Variants in RILPL1 observed in about 807,000 individuals in gnomAD.
The protein encoded by RILPL1 is RILP-like protein 1.
In RILPL1, 33 loss-of-function variants were observed where a neutral mutation model predicts 50.3. The ratio of observed to expected loss-of-function variants is 0.66; its 90% CI spans 0.50 to 0.88. The LOEUF is 0.88. Among genes scored for constraint, RILPL1 ranks in the 40% least tolerant of loss-of-function variants. The pLI is 0.00. For synonymous variants in RILPL1, 205 were observed against 228.6 expected (o/e 0.90, Z 0.93); for missense variants, 418 against 542.5 (o/e 0.77, Z 2.28).
chr12:123,494,866 C>G (rs900794651), intron 4 of RILPL1, among the ~76,000 whole-genome samples: 1 of 152,190 alleles, frequency 6.6e-6, no homozygotes, highest in Non-Finnish European at 1.5e-5. Context: ...CGCACCCCTA[C>G]TACTCAGAGC....
chr12:123,514,911 C>T (rs1244975646), intron 2 of RILPL1, among the ~76,000 whole-genome samples: 1 of 151,588 alleles, frequency 6.6e-6, no homozygotes, highest in Non-Finnish European at 1.5e-5. Context: ...AATAGACAAT[C>T]CAAACAATAA....
In RILPL1 at chr12:123,509,578, AAAG is replaced by A. The variant is rs1176417926; in HGVS notation, c.461-10045_461-10043del. The stretch of plus-strand genomic sequence containing the variant: ...AACTCCGTCTCAAAAAAAAAAAAAA[AAAG>A]AAGGAAATCCTGTCACATGCTGCCA... On this transcript the variant is annotated intron_variant, in intron 2 of 6. Transcript: ENST00000376874. 2.8e-4 allele frequency among the ~76,000 whole-genome samples: 42 copies of A among 152,092 alleles called. No individual in the cohort carries two copies. In the East Asian group the frequency reaches 7.5e-3, roughly 27 times the overall value.
At chr12:123,490,032 CT>C (rs1882586041) in intron 4 of RILPL1, among the ~76,000 whole-genome samples, 1 of 152,168 alleles carries the variant, frequency 6.6e-6, no homozygotes, top group African/African-American at 2.4e-5. Flanking sequence ...CAGCTGCTCC[CT>C]TTTCCATCCC....
At chr12:123,481,871 T>C (rs1882028258) in intron 6 of RILPL1, among the ~76,000 whole-genome samples, 1 of 150,280 alleles carries the variant, frequency 6.7e-6, no homozygotes, top group Admixed American at 6.6e-5. Context: ...ATTTGTTTTG[T>C]TTTCTTTTTT....
intron 2 of RILPL1, among the ~76,000 whole-genome samples, chr12:123,507,001 A>G (rs1883789100): frequency 6.6e-6 from 1 of 152,176 alleles, no homozygotes. Context: ...GATGAAAAGA[A>G]GGGGCAAGAA....
chr12:123,512,044 G>A (rs1884318480), intron 2 of RILPL1, among the ~76,000 whole-genome samples: 1 of 142,594 alleles, frequency 7.0e-6, no homozygotes, highest in Non-Finnish European at 1.5e-5. Context: ...AGGTTTGTGT[G>A]TGTGAGGTCT....
chr12:123,518,739 G>A (rs1342912205), intron 2 of RILPL1, among the ~76,000 whole-genome samples: 1 of 151,870 alleles, frequency 6.6e-6, no homozygotes, highest in Non-Finnish European at 1.5e-5. Flanking sequence ...TGGATCTACT[G>A]GGTTCAGTAA....
At chr12:123,516,008 T>C (rs1008967769) in intron 2 of RILPL1, among the ~76,000 whole-genome samples, 9 of 120,792 alleles carry the variant, frequency 7.5e-5, no homozygotes, top group African/African-American at 2.7e-4. Context: ...CACTCCAGCC[T>C]GGGCCACAGA....
intron 2 of RILPL1, among the ~76,000 whole-genome samples, chr12:123,504,784 T>C (rs1883628262): frequency 6.6e-6 from 1 of 152,154 alleles, no homozygotes; most frequent in Non-Finnish European, 1.5e-5. Context: ...GATATTTTTT[T>C]TTCTCAAAGT....
In RILPL1 at chr12:123,485,513, AC is replaced by A; in HGVS notation, c.974+119del. ...GTAAGTTCTTTAGGCCAGAGAGGGT[AC>A]CCAAAAAAAACACTGATGAAATGCT... On this transcript the variant is annotated intron_variant, in intron 5 of 6. Coordinates refer to ENST00000376874, the MANE Select transcript of RILPL1 (RefSeq NM_178314.5). The surrounding 1 kb of genome is among the most constrained non-coding windows in gnomAD (Gnocchi z 4.0). 1 of 916,464 alleles carries A rather than the reference AC, an allele frequency of 1.1e-6. No individual in the cohort carries two copies. 56.8% of individuals were successfully genotyped at this position (916,464 alleles called of 1,614,324 possible).
chr12:123,502,612 C>T (rs1883468144), intron 2 of RILPL1, among the ~76,000 whole-genome samples: 1 of 151,450 alleles, frequency 6.6e-6, no homozygotes, highest in African/African-American at 2.4e-5. Context: ...AGGGCAAGGC[C>T]CTATCTGCCC....
intron 2 of RILPL1, among the ~76,000 whole-genome samples, chr12:123,508,298 G>A (rs1883880793): frequency 1.3e-5 from 2 of 152,166 alleles, no homozygotes; most frequent in African/African-American, 4.8e-5. Flanking sequence ...GGAGGCTGAG[G>A]TAGGAGGATC....
chr12:123,483,795 C>A (rs1882147341), intron 6 of RILPL1, among the ~76,000 whole-genome samples: 1 of 152,164 alleles, frequency 6.6e-6, no homozygotes, highest in Admixed American at 6.6e-5. Flanking sequence ...CCCAGGGCCA[C>A]CTGACATCTC....
chr12:123,531,003 T>C (rs1885423578), intron 1 of RILPL1, among the ~76,000 whole-genome samples: 1 of 103,768 alleles, frequency 9.6e-6, no homozygotes, highest in Non-Finnish European at 2.2e-5. Context: ...GAAGAAGGGG[T>C]AGGGAAGAAG....
chr12:123,497,581 G>A (rs1295357879), intron 4 of RILPL1, among the ~76,000 whole-genome samples: 4 of 151,850 alleles, frequency 2.6e-5, no homozygotes, highest in Admixed American at 6.6e-5. Flanking sequence ...TAGTAGAGAC[G>A]GGGTTTTACC....
At chr12:123,526,132 C>A (rs1267593159) in intron 1 of RILPL1, among the ~76,000 whole-genome samples, 7 of 151,840 alleles carry the variant, frequency 4.6e-5, no homozygotes. Flanking sequence ...ATGGCAAAAC[C>A]CCGTCTCTAC....
In RILPL1 at chr12:123,485,923, G is replaced by T; in HGVS notation, c.802-118C>A. On this transcript the variant is annotated intron_variant, in intron 4 of 6. Coordinates refer to ENST00000376874, the MANE Select transcript of RILPL1 (RefSeq NM_178314.5). This position sits in a 1 kb window ranked among gnomAD's most constrained non-coding sequence, Gnocchi z 4.0. ...GGGGTGCCAGCAGCCTGTGGAGGGT[G>T]CTATTTTCAGCACTCGCAGGCGGCC... The T allele has an allele frequency of 9.9e-7, 1 of 1,007,560 alleles. No homozygotes were observed. Among genetic ancestry groups the T allele is most frequent in the Non-Finnish European group, 1.4e-6 (1 of 719,018 alleles). The allele number at this position is 1,007,560 out of a possible 1,614,324, so 62.4% of individuals were successfully genotyped here.
intron 6 of RILPL1, chr12:123,473,275 G>A (rs1881330704): frequency 6.6e-6 from 1 of 152,490 alleles, no homozygotes. Context: ...AGCACTTTGG[G>A]AGGTCGAGGC....
rs949989757 is a variant in RILPL1, at chr12:123,489,088, G to A, written c.802-3283C>T. ...ATCGCGCCAGTTCTCCTCTTTCCCTGGCCCAGCTTCACCAAGGAGCAACCC... is the reference window on the plus strand; with the variant it reads ...ATCGCGCCAGTTCTCCTCTTTCCCTAGCCCAGCTTCACCAAGGAGCAACCC... On this transcript the variant is annotated intron_variant, in intron 4 of 6. Coordinates refer to ENST00000376874, the MANE Select transcript of RILPL1 (RefSeq NM_178314.5). The surrounding 1 kb of genome is among the most constrained non-coding windows in gnomAD (Gnocchi z 4.0). Among the ~76,000 whole-genome samples, 1 of 152,090 alleles carries A rather than the reference G, an allele frequency of 6.6e-6. No homozygotes were observed. The highest frequency in any genetic ancestry group is 1.5e-5 in the Non-Finnish European group (1 of 68,026).
Sources: gnomAD v4.1 joint callset for allele counts (sites outside exome capture counted in the v4.1 genomes callset) on GRCh38, gnomAD v4.1.1 for gene constraint, Gnocchi (gnomAD v3.1) non-coding constraint, MANE v1.5 for transcripts, NCBI Gene and HGNC (gene_info 2026-07-23, HGNC 2026-07-21) for gene names.